The following SGCZ variants were observed in gnomAD, a reference collection of about 807,000 sequenced individuals.
SGCZ encodes zeta-sarcoglycan.
Under a neutral mutation model 41.3 loss-of-function variants are expected in SGCZ, and 40 were observed. The observed-to-expected ratio is 0.97, with a 90% CI of 0.75 to 1.26. The LOEUF (loss-of-function observed/expected upper bound fraction) is 1.26, where lower values mean the gene tolerates loss of function less well. Among genes scored for constraint, SGCZ ranks in the 50% most tolerant of loss-of-function variants. SGCZ has a pLI of 0.00. For missense variants in SGCZ, 552 were observed against 369.8 expected, an observed-to-expected ratio of 1.49 and a Z score of -4.04; for synonymous variants, 206 against 137.5, an observed-to-expected ratio of 1.50 and a Z score of -3.49.
At chr8:14,277,711 A>G (rs1800283562) in intron 3 of SGCZ, among the ~76,000 whole-genome samples, 1 of 152,098 alleles carries the variant, frequency 6.6e-6, no homozygotes, top group South Asian at 2.1e-4. Context: ...CAAGACATAG[A>G]AGCTGCCTAA....
chr8:14,168,538 A>G (rs1204956193), intron 4 of SGCZ, among the ~76,000 whole-genome samples: 1 of 152,062 alleles, frequency 6.6e-6, no homozygotes, highest in African/African-American at 2.4e-5. Flanking sequence ...TCCCTGCACA[A>G]GCTCTTATCT....
intron 2 of SGCZ, among the ~76,000 whole-genome samples, chr8:14,340,141 G>C (rs1802651850): frequency 6.6e-6 from 1 of 151,798 alleles, no homozygotes; most frequent in South Asian, 2.1e-4. Context: ...TTTCAATTCT[G>C]TTTTTTTCTT....
chr8:14,504,482 A>G (rs189948787), intron 2 of SGCZ, among the ~76,000 whole-genome samples: 1 of 151,936 alleles, frequency 6.6e-6, no homozygotes, highest in Non-Finnish European at 1.5e-5. Flanking sequence ...GCTTCACTCT[A>G]TTGGTTTCTT....
chr8:14,819,218 C>T (rs909559817), intron 1 of SGCZ, among the ~76,000 whole-genome samples: 52 of 151,874 alleles, frequency 3.4e-4, no homozygotes, highest in African/African-American at 1.1e-3. Context: ...TCCCATTAGA[C>T]TATCAGAAGA....
intron 1 of SGCZ, among the ~76,000 whole-genome samples, chr8:14,784,945 ATTTTTTATAT>A (rs1563267420): frequency 7.7e-5 from 10 of 129,362 alleles, no homozygotes; most frequent in Non-Finnish European, 1.5e-4. Flanking sequence ...AAATATATAT[ATTTTTTATAT>A]TATATATATA....
At chr8:14,331,332 G>A (rs532948694) in intron 2 of SGCZ, among the ~76,000 whole-genome samples, 2 of 152,000 alleles carry the variant, frequency 1.3e-5, no homozygotes, top group African/African-American at 2.4e-5. Context: ...TTAAAGAGGA[G>A]GAGGTTCTCT....
intron 4 of SGCZ, among the ~76,000 whole-genome samples, chr8:14,214,605 T>C (rs963804964): frequency 6.6e-4 from 101 of 152,140 alleles, no homozygotes; most frequent in African/African-American, 2.3e-3. Flanking sequence ...GATTTAAAAA[T>C]GGTTCAGCTA....
chr8:14,797,958 C>A (rs1585268957), intron 1 of SGCZ, among the ~76,000 whole-genome samples: 2 of 152,332 alleles, frequency 1.3e-5, no homozygotes, highest in South Asian at 4.1e-4. Flanking sequence ...AAACCTCTAC[C>A]TGGATTTCAG....
intron 1 of SGCZ, among the ~76,000 whole-genome samples, chr8:15,109,694 A>T (rs1319610952): frequency 6.6e-6 from 1 of 152,162 alleles, no homozygotes. Flanking sequence ...ATATTTAAAT[A>T]CTCACAGAGT....
At chr8:14,641,093 C>A (rs1367189667) in intron 1 of SGCZ, among the ~76,000 whole-genome samples, 1 of 151,664 alleles carries the variant, frequency 6.6e-6, no homozygotes, top group East Asian at 2.0e-4. Flanking sequence ...ATCAAACTAA[C>A]ACTTCCAAAA....
chr8:14,757,768 C>A (rs1447132977), intron 1 of SGCZ, among the ~76,000 whole-genome samples: 1 of 152,276 alleles, frequency 6.6e-6, no homozygotes, highest in Non-Finnish European at 1.5e-5. Flanking sequence ...AGCTTCCCAA[C>A]AAGGGATGAC....
chr8:14,158,547 C>T (rs1349822538), intron 5 of SGCZ, among the ~76,000 whole-genome samples: 1 of 152,100 alleles, frequency 6.6e-6, no homozygotes, highest in African/African-American at 2.4e-5. Context: ...TACCTTGCAT[C>T]CTTCAATCCA....
intron 2 of SGCZ, among the ~76,000 whole-genome samples, chr8:14,358,436 T>G (rs1342734362): frequency 6.6e-6 from 1 of 152,128 alleles, no homozygotes; most frequent in Non-Finnish European, 1.5e-5. Flanking sequence ...GTAAGAAGTC[T>G]TACTGTCACC....
rs576533409 is a variant in SGCZ at position 14,094,618 on chromosome 8, T to C, written c.745-3981A>G. 3.3e-5 allele frequency among the ~76,000 whole-genome samples: 5 copies of C among 152,212 alleles called. No individual in the cohort carries two copies. The East Asian group carries it at 9.7e-4, about 30-fold the overall frequency. ...CATACGTGTGCATGTATCTTTATAGTAGAATGATTTATAATCTTTTGGGTA... is the reference window on the plus strand; with the variant it reads ...CATACGTGTGCATGTATCTTTATAGCAGAATGATTTATAATCTTTTGGGTA... On this transcript the variant is annotated intron_variant, in intron 7 of 7. Coordinates refer to ENST00000382080, the MANE Select transcript of SGCZ (RefSeq NM_139167.4).
rs78986182 is a variant in SGCZ at position 15,155,100 on chromosome 8, TG to T, written c.39+82484del. Among the ~76,000 whole-genome samples the T allele has an allele frequency of 5.9e-3, 899 of 152,176 alleles. 23 individuals carry two copies. The East Asian group carries it at 0.078, about 13-fold the overall frequency. On this transcript the variant is annotated intron_variant, in intron 1 of 7. Transcript: ENST00000382080. ...TGAGCCCAGGAGTTCGAGACCAGCC[TG>T]GGAAACATGGTGAAACATGTATTTC...
At chr8:14,263,949 A>G (rs1025864251) in intron 3 of SGCZ, among the ~76,000 whole-genome samples, 10 of 152,222 alleles carry the variant, frequency 6.6e-5, no homozygotes, top group South Asian at 2.1e-4. Flanking sequence ...CATGAAGCCC[A>G]GTATTGGGCA....
chr8:14,744,584 A>C (rs1424677050), intron 1 of SGCZ, among the ~76,000 whole-genome samples: 3 of 152,156 alleles, frequency 2.0e-5, no homozygotes, highest in Non-Finnish European at 2.9e-5. Context: ...AGAAATGAGA[A>C]TACTGGATCC....
chr8:14,858,874 G>C (rs1803629792), intron 1 of SGCZ, among the ~76,000 whole-genome samples: 1 of 152,088 alleles, frequency 6.6e-6, no homozygotes, highest in South Asian at 2.1e-4. Flanking sequence ...TGATCTAATA[G>C]TGGTAGGTGC....
chr8:14,323,705 T>C (rs1802004566), intron 3 of SGCZ, among the ~76,000 whole-genome samples: 1 of 152,142 alleles, frequency 6.6e-6, no homozygotes, highest in Admixed American at 6.5e-5. Context: ...AGAAAATGCA[T>C]GTCTATTAAT....
Sources: allele counts gnomAD v4.1 joint callset (sites outside exome capture counted in the v4.1 genomes callset), GRCh38; gene constraint gnomAD v4.1.1; transcripts MANE v1.5; gene names NCBI Gene and HGNC (gene_info 2026-07-23, HGNC 2026-07-21).